Variants in CPT2 observed in about 807,000 individuals in gnomAD.
The protein encoded by CPT2 is carnitine palmitoyltransferase 2.
Under a neutral mutation model 48.6 loss-of-function variants are expected in CPT2, and 37 were observed. The ratio of observed to expected loss-of-function variants is 0.76; its 90% CI spans 0.59 to 1.00. The LOEUF (loss-of-function observed/expected upper bound fraction) is 1.00, where lower values mean the gene tolerates loss of function less well. Among genes scored for constraint, CPT2 ranks in the 50% least tolerant of loss-of-function variants. The pLI is 0.00. For missense variants in CPT2, 772 were observed against 825.6 expected, an observed-to-expected ratio of 0.94 and a Z score of 0.80; for synonymous variants, 319 against 326.9, an observed-to-expected ratio of 0.98 and a Z score of 0.26.
At chr1:53,206,026 CA>C (rs942598585) in intron 3 of CPT2, among the ~76,000 whole-genome samples, 34 of 151,556 alleles carry the variant, frequency 2.2e-4, no homozygotes, top group African/African-American at 7.3e-4. Flanking sequence ...ATTAAAAATA[CA>C]AAAAAAATTA....
rs1399429530 is a variant in CPT2, at chr1:53,197,005, C to T, written c.62C>T (p.Pro21Leu). The change falls in exon 1 of 5, where the codon CCC becomes CTC. Residue 21 changes from proline (P) to leucine (L), a missense_variant. By Grantham distance (98) the Pro-to-Leu change is moderately conservative. Coordinates refer to ENST00000371486, the MANE Select transcript of CPT2 (RefSeq NM_000098.3). ...GGCCCCGCGGTTGGTCCGGGAGCCC[C>T]CAGTCGGCCCCTCAGCGCCGGCTCC... ...PRGPAVGPGAPSRPLSAGSGP... is the reference protein window; with the variant it reads ...PRGPAVGPGALSRPLSAGSGP... 2.0e-6 allele frequency: 3 copies of T among 1,533,108 alleles called. No individual in the cohort carries two copies. Among genetic ancestry groups the T allele is most frequent in the South Asian group, 2.4e-5 (2 of 83,718 alleles). The allele number at this position is 1,533,108 out of a possible 1,614,324, so 95.0% of individuals were successfully genotyped here.
At chr1:53,202,016 G>C in intron 2 of CPT2, 1 of 370,720 alleles carries the variant, frequency 2.7e-6, no homozygotes, top group South Asian at 2.3e-5. Context: ...ACAGAGCTAG[G>C]ATTCAGACTT....
chr1:53,206,133 A>G (rs1645387906), intron 3 of CPT2, among the ~76,000 whole-genome samples: 1 of 151,122 alleles, frequency 6.6e-6, no homozygotes, highest in Non-Finnish European at 1.5e-5. Context: ...CAGTGAGCCA[A>G]GATAGCACCA....
At position 53,213,691 on chromosome 1, in the gene CPT2, G is replaced by A. The variant is rs1645446694; in HGVS notation, c.*96G>A. Reference sequence around the variant, plus strand: ...TGCCTGTAATCCCAGCATTTTGAGAGGCTGAGGCGGGTGGATCACTTGAGG... The same window carrying A: ...TGCCTGTAATCCCAGCATTTTGAGAAGCTGAGGCGGGTGGATCACTTGAGG... On this transcript the variant is annotated 3_prime_UTR_variant, in exon 5 of 5. Coordinates refer to ENST00000371486, the MANE Select transcript of CPT2 (RefSeq NM_000098.3). 2 of 1,135,786 alleles carry A rather than the reference G, an allele frequency of 1.8e-6. No individual in the cohort carries two copies. The highest frequency in any genetic ancestry group is 2.6e-6 in the Non-Finnish European group (2 of 780,130). 70.4% of individuals were successfully genotyped at this position (1,135,786 alleles called of 1,614,324 possible). A position where few individuals can be genotyped will look rare whatever the true frequency, so the allele number is the denominator to read the frequency against.
In CPT2 at chr1:53,213,774, C is replaced by CA. The variant is rs1645447710; in HGVS notation, c.*184dup. The CA allele has an allele frequency of 1.7e-6, 1 of 597,594 alleles. No individual in the cohort carries two copies. Among genetic ancestry groups the CA allele is most frequent in the Non-Finnish European group, 3.0e-6 (1 of 338,472 alleles). 37.0% of individuals were successfully genotyped at this position (597,594 alleles called of 1,614,324 possible). ...TGAAACCTTGTCTCTACTAAAAATA[C>CA]AAAAATTAGCTGGGTGTGGTGGCAT... On this transcript the variant is annotated 3_prime_UTR_variant, in exon 5 of 5. Transcript: ENST00000371486.
rs1645323720 is a variant in CPT2 at position 53,196,853 on chromosome 1, T to G, written c.-91T>G. 6.8e-7 allele frequency: 1 copy of G among 1,478,166 alleles called. No homozygotes were observed. Among genetic ancestry groups the G allele is most frequent in the Admixed American group, 2.0e-5 (1 of 50,022 alleles). 91.6% of individuals were successfully genotyped at this position (1,478,166 alleles called of 1,614,324 possible). On this transcript the variant is annotated 5_prime_UTR_variant, in exon 1 of 5. Transcript: ENST00000371486. ...AAGTGCCTCAGGAGTCCTGACGCAG[T>G]GTCTTGGGCGCTAACGGCGGCGGCG...
At chr1:53,197,553 C>T (rs1645331061) in intron 1 of CPT2, 1 of 264,786 alleles carries the variant, frequency 3.8e-6, no homozygotes, top group African/African-American at 2.3e-5. Context: ...CTTAACTTCT[C>T]CCAGCACCGC....
intron 3 of CPT2, chr1:53,208,288 T>C (rs1645400380): frequency 6.6e-6 from 1 of 152,216 alleles, no homozygotes. Flanking sequence ...TCTCAAGGGA[T>C]GGAATGAGTG....
At chr1:53,209,518 C>A (rs1645407789) in intron 3 of CPT2, 1 of 186,764 alleles carries the variant, frequency 5.4e-6, no homozygotes, top group Non-Finnish European at 1.1e-5. Flanking sequence ...CATGGATGAA[C>A]CTTAAAAACA....
Position 53,210,549 on chromosome 1 carries a change from C to G in CPT2, c.875C>G (p.Thr292Ser). The change falls in exon 4 of 5, where the codon ACC becomes AGC. Residue 292 changes from threonine (T) to serine (S), a missense_variant. Transcript: ENST00000371486. The stretch of plus-strand genomic sequence containing the variant: ...CCCGAGTTTCCCCTGGCATACCTGA[C>G]CAGTGAGAACCGAGACATCTGGGCA... Reference protein sequence around the residue: ...PAPEFPLAYLTSENRDIWAEL... With the variant: ...PAPEFPLAYLSSENRDIWAEL... The G allele has an allele frequency of 1.2e-6, 2 of 1,614,150 alleles. No homozygotes were observed. Among genetic ancestry groups the G allele is most frequent in the Non-Finnish European group, 1.7e-6 (2 of 1,180,034 alleles).
chr1:53,201,160 G>T (rs115668454), intron 2 of CPT2: 1 of 320,860 alleles, frequency 3.1e-6, no homozygotes, highest in Admixed American at 4.1e-5. Context: ...AGTCTGCATC[G>T]TGAGCATGTT....
rs1016498296 is a variant in CPT2, at chr1:53,210,293, G to A, written c.619G>A (p.Val207Ile). The change falls in exon 4 of 5, where the codon GTC becomes ATC. Residue 207 changes from valine to isoleucine, a missense_variant. Coordinates refer to ENST00000371486, the MANE Select transcript of CPT2 (RefSeq NM_000098.3). ...SSLSWYGAYL[V>I]NAYPLDMSQY... ...TCTGTCCTGGTATGGGGCCTACCTG[G>A]TCAATGCGTATCCCCTGGATATGTC... is the stretch of plus-strand genomic sequence containing the variant. 3 of 1,614,010 alleles carry A rather than the reference G, an allele frequency of 1.9e-6. No individual in the cohort carries two copies. Among genetic ancestry groups the A allele is most frequent in the Non-Finnish European group, 2.5e-6 (3 of 1,180,042 alleles).
chr1:53,206,026 C>CA (rs942598585), intron 3 of CPT2, among the ~76,000 whole-genome samples: 10 of 151,442 alleles, frequency 6.6e-5, no homozygotes, highest in African/African-American at 1.2e-4. Flanking sequence ...ATTAAAAATA[C>CA]AAAAAAAATT....
Position 53,213,859 on chromosome 1 carries a change from G to A in CPT2, c.*264G>A, listed in dbSNP as rs1425285456. The A allele has an allele frequency of 4.6e-6, 2 of 431,422 alleles. No homozygotes were observed. The highest frequency in any genetic ancestry group is 8.7e-6 in the Non-Finnish European group (2 of 230,830). 26.7% of individuals were successfully genotyped at this position (431,422 alleles called of 1,614,324 possible). On this transcript the variant is annotated 3_prime_UTR_variant, in exon 5 of 5. Coordinates refer to ENST00000371486, the MANE Select transcript of CPT2 (RefSeq NM_000098.3). The stretch of plus-strand genomic sequence containing the variant: ...CAGAATTGCTTGAACCCAGGAGGTG[G>A]AGGTTGCAGTGAGCTGAGATCACAC...
chr1:53,203,097 T>C (rs1645364445), intron 3 of CPT2: 1 of 152,376 alleles, frequency 6.6e-6, no homozygotes, highest in African/African-American at 2.4e-5. Context: ...AAACAGCAAC[T>C]TCCTCATCAT....
Position 53,210,786 on chromosome 1 carries a change from A to G in CPT2, c.1112A>G (p.Glu371Gly). The change falls in exon 4 of 5, where the codon GAG becomes GGG. Residue 371 changes from glutamate (E) to glycine (G), a missense_variant. By Grantham distance (98) the Glu-to-Gly change is moderately conservative. Transcript: ENST00000371486. ...GATGGCTCTACTGCCGTCCACTTTGAGCACTCTTGGGGTGATGGTGTGGCA... is the reference window on the plus strand; with the variant it reads ...GATGGCTCTACTGCCGTCCACTTTGGGCACTCTTGGGGTGATGGTGTGGCA... ...AKDGSTAVHFEHSWGDGVAVL... is the reference protein window; with the variant it reads ...AKDGSTAVHFGHSWGDGVAVL... 4 of 1,614,156 alleles carry G rather than the reference A, an allele frequency of 2.5e-6. No individual in the cohort carries two copies. The highest frequency in any genetic ancestry group is 3.4e-6 in the Non-Finnish European group (4 of 1,180,012).
intron 3 of CPT2, chr1:53,204,183 T>C (rs1411760084): frequency 2.6e-5 from 4 of 152,160 alleles, no homozygotes; most frequent in Non-Finnish European, 5.9e-5. Context: ...TTTCTTCCTC[T>C]CCATTTTTTT....
At position 53,213,750 on chromosome 1, in the gene CPT2, G is replaced by A. The variant is rs1484115338; in HGVS notation, c.*155G>A. Reference sequence around the variant, plus strand: ...TTGAGACCAACCTGGCCAACATGGTGAAACCTTGTCTCTACTAAAAATACA... The same window carrying A: ...TTGAGACCAACCTGGCCAACATGGTAAAACCTTGTCTCTACTAAAAATACA... On this transcript the variant is annotated 3_prime_UTR_variant, in exon 5 of 5. Coordinates refer to ENST00000371486, the MANE Select transcript of CPT2 (RefSeq NM_000098.3). The A allele has an allele frequency of 5.9e-6, 4 of 676,184 alleles. No homozygotes were observed. In the Admixed American group the frequency reaches 7.1e-5, roughly 12 times the overall value. The allele number at this position is 676,184 out of a possible 1,614,324, so 41.9% of individuals were successfully genotyped here.
At chr1:53,205,609 A>G (rs1645382773) in intron 3 of CPT2, among the ~76,000 whole-genome samples, 1 of 152,226 alleles carries the variant, frequency 6.6e-6, no homozygotes, top group African/African-American at 2.4e-5. Context: ...AGCCAAGACA[A>G]TGGGGAGAAT....
Sources: gnomAD v4.1 joint callset for allele counts (sites outside exome capture counted in the v4.1 genomes callset) on GRCh38, gnomAD v4.1.1 for gene constraint, MANE v1.5 for transcripts, NCBI Gene and HGNC (gene_info 2026-07-23, HGNC 2026-07-21) for gene names.